EYS: variants seen among roughly 807,000 people sequenced by gnomAD.
EYS encodes the protein EGF-like photoreceptor maintenance factor, also known as protein eyes shut homolog.
EYS carries 250 observed loss-of-function variants against 282.1 expected under a neutral mutation model. The observed-to-expected ratio is 0.89, with a 90% CI of 0.80 to 0.98. The LOEUF (loss-of-function observed/expected upper bound fraction) is 0.98. Among genes scored for constraint, EYS ranks in the 50% least tolerant of loss-of-function variants. The probability of loss-of-function intolerance (pLI) is 0.00; values close to 1 mark genes in which losing one functional copy is unlikely to be tolerated. For missense variants in EYS, 4,016 were observed against 3,709.0 expected (o/e 1.08, Z -2.15); for synonymous variants, 1,355 against 1,282.9 (o/e 1.06, Z -1.20).
intron 10 of EYS, 40 bp downstream of exon 10, chr6:65,343,998 A>G (rs765084199): frequency 1.3e-5 from 21 of 1,564,266 alleles, no homozygotes; most frequent in Non-Finnish European, 1.7e-5. Flanking sequence ...ATTACAAGCT[A>G]AAGAGAAAAA....
At chr6:64,787,400 A>T (rs1330002460) in intron 22 of EYS, among the ~76,000 whole-genome samples, 1 of 152,024 alleles carries the variant, frequency 6.6e-6, no homozygotes, top group Non-Finnish European at 1.5e-5. Flanking sequence ...ATGACTTTTG[A>T]TATTATACTT....
At chr6:65,623,979 T>C (rs1766611579) in intron 2 of EYS, among the ~76,000 whole-genome samples, 1 of 152,172 alleles carries the variant, frequency 6.6e-6, no homozygotes, top group African/African-American at 2.4e-5. Flanking sequence ...TCCTAAATAA[T>C]TAACTACAGG....
chr6:65,480,638 C>G (rs1253701558), intron 5 of EYS, among the ~76,000 whole-genome samples: 1 of 151,896 alleles, frequency 6.6e-6, no homozygotes, highest in African/African-American at 2.4e-5. Context: ...AATTAGTATA[C>G]CAAAGGGATA....
At chr6:64,600,177 C>A (rs927016515) in intron 24 of EYS, among the ~76,000 whole-genome samples, 4 of 152,018 alleles carry the variant, frequency 2.6e-5, no homozygotes, top group African/African-American at 9.7e-5. Context: ...TGGTTTCATG[C>A]CATTGCTGAC....
intron 33 of EYS, among the ~76,000 whole-genome samples, chr6:64,031,715 G>C (rs972980777): frequency 6.6e-6 from 1 of 152,174 alleles, no homozygotes; most frequent in African/African-American, 2.4e-5. Context: ...AGCTACTCTG[G>C]TGGGGACTTG....
intron 14 of EYS, among the ~76,000 whole-genome samples, chr6:64,992,468 A>G (rs1236818451): frequency 6.6e-6 from 1 of 151,944 alleles, no homozygotes; most frequent in African/African-American, 2.4e-5. Flanking sequence ...ATTTTAGACT[A>G]AATTCCATAG....
chr6:64,111,715 T>TA (rs1773211770), intron 31 of EYS, among the ~76,000 whole-genome samples: 1 of 152,080 alleles, frequency 6.6e-6, no homozygotes, highest in Non-Finnish European at 1.5e-5. Context: ...GCTAGATGAC[T>TA]TTATTTTTAA....
chr6:64,518,947 T>C (rs1205461642), intron 26 of EYS, among the ~76,000 whole-genome samples: 1 of 151,826 alleles, frequency 6.6e-6, no homozygotes, highest in East Asian at 1.9e-4. Flanking sequence ...CAGTCTCCAG[T>C]ATGTCTTTTT....
intron 12 of EYS, among the ~76,000 whole-genome samples, chr6:65,067,637 A>T (rs1773785576): frequency 6.6e-6 from 1 of 152,084 alleles, no homozygotes; most frequent in African/African-American, 2.4e-5. Flanking sequence ...AACTACTAGG[A>T]GGAGTAAAGA....
intron 15 of EYS, among the ~76,000 whole-genome samples, chr6:64,916,588 G>C (rs1032322165): frequency 1.3e-5 from 2 of 152,100 alleles, no homozygotes; most frequent in African/African-American, 4.8e-5. Context: ...TTGATGTGAG[G>C]GCTTCAATCA....
At chr6:64,171,242 T>TC (rs1764470358) in intron 31 of EYS, among the ~76,000 whole-genome samples, 1 of 152,216 alleles carries the variant, frequency 6.6e-6, no homozygotes. Context: ...CTTGACTGTT[T>TC]CTCTGAATTT....
At chr6:64,906,907 A>C (rs2150073908) in intron 16 of EYS, among the ~76,000 whole-genome samples, 1 of 152,322 alleles carries the variant, frequency 6.6e-6, no homozygotes, top group South Asian at 2.1e-4. Flanking sequence ...GAAATTATTT[A>C]ATTCTTGACA....
intron 1 of EYS, among the ~76,000 whole-genome samples, chr6:65,644,325 G>A (rs1415712485): frequency 1.3e-5 from 2 of 152,164 alleles, no homozygotes; most frequent in Admixed American, 1.3e-4. Context: ...GAACTTCAGA[G>A]CTTGAAGACA....
intron 31 of EYS, among the ~76,000 whole-genome samples, chr6:64,154,198 T>A (rs1329618498): frequency 6.6e-6 from 1 of 152,172 alleles, no homozygotes; most frequent in Non-Finnish European, 1.5e-5. Flanking sequence ...CCCAGCACTT[T>A]GGGATGCCAA....
intron 14 of EYS, among the ~76,000 whole-genome samples, chr6:64,955,807 T>A (rs1010561995): frequency 1.3e-5 from 2 of 152,168 alleles, no homozygotes; most frequent in Non-Finnish European, 2.9e-5. Context: ...GCTTTCTTAT[T>A]TTTCCCCACA....
chr6:64,651,585 A>G (rs1212806437), intron 22 of EYS, among the ~76,000 whole-genome samples: 1 of 152,236 alleles, frequency 6.6e-6, no homozygotes, highest in Admixed American at 6.5e-5. Context: ...CGGGAGGCTG[A>G]GACGGGAGAA....
intron 5 of EYS, among the ~76,000 whole-genome samples, chr6:65,482,385 G>A (rs1765640507): frequency 6.6e-6 from 1 of 152,096 alleles, no homozygotes; most frequent in African/African-American, 2.4e-5. Context: ...TTCCACTTAT[G>A]AGAGCAAGGA....
At chr6:65,230,434 A>G (rs758162822) in intron 12 of EYS, among the ~76,000 whole-genome samples, 16 of 152,006 alleles carry the variant, frequency 1.1e-4, no homozygotes, top group Non-Finnish European at 1.5e-4. Flanking sequence ...CATGCATACA[A>G]TTAGTTTTCC....
intron 35 of EYS, among the ~76,000 whole-genome samples, chr6:63,940,535 C>CTTTGTTGTTTTTAGATTTTAG (rs1765202347): frequency 1.3e-5 from 2 of 152,068 alleles, no homozygotes; most frequent in Non-Finnish European, 2.9e-5. Context: ...TTAATGCCAG[C>CTTTGTTGTTTTTAGATTTTAG]AAAGGATGGT....
Sources: gnomAD v4.1 joint callset for allele counts (sites outside exome capture counted in the v4.1 genomes callset) on GRCh38, gnomAD v4.1.1 for gene constraint, MANE v1.5 for transcripts, NCBI Gene and HGNC (gene_info 2026-07-23, HGNC 2026-07-21) for gene names.